CCDC14: variants seen among roughly 807,000 people sequenced by gnomAD.
CCDC14 encodes the protein coiled-coil domain-containing protein 14.
Under a neutral mutation model 81.4 loss-of-function variants are expected in CCDC14, and 71 were observed. That is an observed-to-expected ratio of 0.87 (90% CI 0.72 to 1.06). The LOEUF is 1.06. Among genes scored for constraint, CCDC14 ranks in the 50% least tolerant of loss-of-function variants. The pLI, the probability that CCDC14 is intolerant of heterozygous loss-of-function variation, is 0.00. For synonymous variants in CCDC14, 332 were observed against 364.8 expected (o/e 0.91, Z 1.03); for missense variants, 1,046 against 1,047.3 (o/e 1.00, Z 0.02).
At position 123,949,147 on chromosome 3, in the gene CCDC14, G is replaced by A; in HGVS notation, c.353-15C>T. ...ATCTGAAGATGCTAATGTGGAAGAA[G>A]AAAAAAGTTCTTGAAATATGATTCT... On this transcript the variant is annotated splice_polypyrimidine_tract_variant and intron_variant, in intron 5 of 12. Coordinates refer to ENST00000409697, the MANE Select transcript of CCDC14 (RefSeq NM_001366335.1). 1 of 1,491,818 alleles carries A rather than the reference G, an allele frequency of 6.7e-7. No individual in the cohort carries two copies. The highest frequency in any genetic ancestry group is 2.0e-5 in the Admixed American group (1 of 49,708). The allele number at this position is 1,491,818 out of a possible 1,614,324, so 92.4% of individuals were successfully genotyped here.
chr3:123,954,178 C>G (rs536458150), intron 5 of CCDC14: 10 of 152,150 alleles, frequency 6.6e-5, no homozygotes, highest in African/African-American at 2.4e-4. Context: ...CAGGTGCTAC[C>G]GCTCCTTTCT....
intron 12 of CCDC14, among the ~76,000 whole-genome samples, chr3:123,922,468 C>T (rs999293137): frequency 6.6e-6 from 1 of 151,838 alleles, no homozygotes; most frequent in Non-Finnish European, 1.5e-5. Flanking sequence ...TTGACAAACC[C>T]TTAGCTAGAC....
the CCDC14 span, among the ~76,000 whole-genome samples, chr3:123,886,029 A>G: frequency 6.6e-6 from 1 of 152,126 alleles, no homozygotes; most frequent in African/African-American, 2.4e-5. Flanking sequence ...ATGAATTTAA[A>G]TATATTTGAT....
Position 123,931,592 on chromosome 3 carries a change from C to T in CCDC14, c.1427-66G>A, listed in dbSNP as rs2271970. 0.048 allele frequency: 33,430 copies of T among 691,788 alleles called. 4,483 individuals are homozygous for T. The highest frequency in any genetic ancestry group is 0.44 in the East Asian group (13,578 of 30,716). The allele number at this position is 691,788 out of a possible 1,614,324, so 42.9% of individuals were successfully genotyped here. On this transcript the variant is annotated intron_variant, in intron 10 of 12. Coordinates refer to ENST00000409697, the MANE Select transcript of CCDC14 (RefSeq NM_001366335.1). Reference sequence around the variant, plus strand: ...TAAAAAGTACAAACTTGGAAAATACCTGTTTCTTAAAAAAAAAAAAAAAAG... The same window carrying T: ...TAAAAAGTACAAACTTGGAAAATACTTGTTTCTTAAAAAAAAAAAAAAAAG...
At chr3:123,916,366 A>G (rs67028142) in intron 12 of CCDC14, among the ~76,000 whole-genome samples, 72,153 of 151,826 alleles carry the variant, frequency 0.48, 19,256 homozygotes, top group Non-Finnish European at 0.63. Context: ...GCCCCAGAGT[A>G]AAAAACTGGC....
chr3:123,900,308 C>T (rs141741066), intron 5 of CCDC14, among the ~76,000 whole-genome samples: 2 of 152,232 alleles, frequency 1.3e-5, no homozygotes, highest in East Asian at 3.9e-4. Context: ...TCCCACACAC[C>T]CATGTACCCA....
chr3:123,945,331 C>T (rs1354431265), intron 8 of CCDC14, among the ~76,000 whole-genome samples: 3 of 151,954 alleles, frequency 2.0e-5, no homozygotes, highest in Admixed American at 2.0e-4. Context: ...CCACAGTGGA[C>T]TCCTATGATT....
the CCDC14 span, among the ~76,000 whole-genome samples, chr3:123,887,098 G>GT: frequency 2.0e-5 from 3 of 151,640 alleles, no homozygotes; most frequent in Non-Finnish European, 4.4e-5. Flanking sequence ...CTTGAAAACA[G>GT]TTTTTTTTGC....
Position 123,942,014 on chromosome 3 carries a change from T to A in CCDC14, c.1343+2835A>T, listed in dbSNP as rs2036374842. On this transcript the variant is annotated intron_variant, in intron 9 of 12. Coordinates refer to ENST00000409697, the MANE Select transcript of CCDC14 (RefSeq NM_001366335.1). ...AAATAATATGCTTGTTTACTTTGAA[T>A]GGCTTACAATACATTCTATGTTCCA... 2.6e-5 allele frequency among the ~76,000 whole-genome samples: 4 copies of A among 152,080 alleles called. No homozygotes were observed. The South Asian group carries it at 8.3e-4, about 31-fold the overall frequency.
intron 5 of CCDC14, among the ~76,000 whole-genome samples, chr3:123,897,779 G>A (rs564280431): frequency 1.3e-5 from 2 of 152,244 alleles, no homozygotes; most frequent in East Asian, 1.9e-4. Context: ...AAACACTGTA[G>A]AAGTTTATCT....
rs2037663073 is a variant in CCDC14, at chr3:123,961,148, C to T, written c.26G>A (p.Gly9Asp). The T allele has an allele frequency of 1.9e-6, 3 of 1,551,352 alleles. No individual in the cohort carries two copies. The highest frequency in any genetic ancestry group is 2.6e-6 in the Non-Finnish European group (3 of 1,146,926). MVRSGARP[G>D]QVLSSGRHTG... The stretch of plus-strand genomic sequence containing the variant: ...CCTCAGGTCCTCAGCCCTCACCTGG[C>T]CCGGTCGAGCTCCAGACCTGACCAT... The change falls in exon 1 of 13, where the codon GGC becomes GAC. Residue 9 changes from glycine (G) to aspartate (D), a missense_variant. By Grantham distance (94) the Gly-to-Asp change is moderately conservative. Transcript: ENST00000409697.
chr3:123,947,137 T>C lies in CCDC14; in HGVS notation c.867A>G (p.Pro289=), dbSNP rs750516429. Residue 289 remains proline (P), a synonymous_variant, in exon 8 of 13, where the codon CCA becomes CCG. Coordinates refer to ENST00000409697, the MANE Select transcript of CCDC14 (RefSeq NM_001366335.1). ...CTGTTTCCTTATGAATTCCTTGTTG[T>C]GGCAGAATTCCATTAACAAGGCCCA... is the stretch of plus-strand genomic sequence containing the variant. ...QQLGLVNGIL[P]QQGIHKETDL... is the part of the protein sequence containing the mutation. The C allele has an allele frequency of 6.2e-7, 1 of 1,613,804 alleles. No individual in the cohort carries two copies. Among genetic ancestry groups the C allele is most frequent in the African/African-American group, 1.3e-5 (1 of 74,916 alleles).
chr3:123,916,224 C>T (rs1183823646), intron 12 of CCDC14, among the ~76,000 whole-genome samples: 2 of 151,968 alleles, frequency 1.3e-5, no homozygotes, highest in African/African-American at 4.8e-5. Context: ...GTCTTAAACT[C>T]CTGGCCTCAA....
intron 10 of CCDC14, 73 bp from the exon 11 acceptor site, chr3:123,931,599 TTA>T (rs2035717496): frequency 1.7e-6 from 1 of 581,130 alleles, no homozygotes; most frequent in Admixed American, 6.3e-5. Context: ...TACCTGTTTC[TTA>T]AAAAAAAAAA....
chr3:123,916,724 T>G (rs1184415864), intron 12 of CCDC14, among the ~76,000 whole-genome samples: 1 of 152,138 alleles, frequency 6.6e-6, no homozygotes. Flanking sequence ...CGAACTACAA[T>G]GAAGATTAAA....
At chr3:123,960,052 T>C (rs2037583921) in intron 1 of CCDC14, among the ~76,000 whole-genome samples, 1 of 152,216 alleles carries the variant, frequency 6.6e-6, no homozygotes, top group Non-Finnish European at 1.5e-5. Context: ...TTATTAGCAA[T>C]TTAATAACCC....
At chr3:123,924,749 G>A (rs6771952) in intron 12 of CCDC14, among the ~76,000 whole-genome samples, 16,750 of 151,898 alleles carry the variant, frequency 0.11, 2,067 homozygotes, top group East Asian at 0.42. Flanking sequence ...AAAGATGAAA[G>A]CTAACAAGTG....
rs2034515688 is a variant in CCDC14, at chr3:123,913,861, G to A, written c.*918C>T. ...GTTAAAACGTGCTGCTTACATGAAG[G>A]GAGATGATACTGAGCTAAGAAGTCC... On this transcript the variant is annotated 3_prime_UTR_variant, in exon 13 of 13. Coordinates refer to ENST00000409697, the MANE Select transcript of CCDC14 (RefSeq NM_001366335.1). 4.1e-6 allele frequency: 4 copies of A among 985,262 alleles called. No homozygotes were observed. The highest frequency in any genetic ancestry group is 4.8e-6 in the Non-Finnish European group (4 of 829,874). 61.0% of individuals were successfully genotyped at this position (985,262 alleles called of 1,614,324 possible).
chr3:123,911,775 A>G (rs964537040), downstream of CCDC14, among the ~76,000 whole-genome samples: 2 of 152,158 alleles, frequency 1.3e-5, no homozygotes, highest in African/African-American at 4.8e-5. Flanking sequence ...AGCACTAGTT[A>G]CCTACCTGGT....
Sources: gnomAD v4.1 joint callset for allele counts (sites outside exome capture counted in the v4.1 genomes callset) on GRCh38, gnomAD v4.1.1 for gene constraint, MANE v1.5 for transcripts, NCBI Gene and HGNC (gene_info 2026-07-23, HGNC 2026-07-21) for gene names.